CHD9: variants seen among roughly 807,000 people sequenced by gnomAD.
CHD9 encodes ATP-dependent chromatin remodeler CHD9.
A neutral mutation model predicts 316.1 loss-of-function variants in CHD9; 77 were observed. The observed-to-expected ratio is 0.24, with a 90% CI of 0.20 to 0.29. The LOEUF is 0.29. CHD9 is among the 10% of genes least tolerant of loss of function. CHD9 has a pLI of 1.00. For missense variants in CHD9, 2,763 were observed against 3,438.1 expected, an observed-to-expected ratio of 0.80 and a Z score of 4.91; for synonymous variants, 1,129 against 1,158.3, an observed-to-expected ratio of 0.97 and a Z score of 0.51.
chr16:53,230,288 A>G (rs1204359087), intron 8 of CHD9, among the ~76,000 whole-genome samples: 1 of 152,200 alleles, frequency 6.6e-6, no homozygotes, highest in African/African-American at 2.4e-5. Flanking sequence ...TCTTCACTAC[A>G]TAATTACTAT....
chr16:53,238,313 A>G, intron 11 of CHD9, 30 bp from the exon 12 acceptor site: 2 of 1,579,926 alleles, frequency 1.3e-6, no homozygotes, highest in South Asian at 2.3e-5. Flanking sequence ...AACCCAATGT[A>G]TGCATGGATA....
chr16:53,088,924 C>T (rs113559895), intron 1 of CHD9, among the ~76,000 whole-genome samples: 7,285 of 151,288 alleles, frequency 0.048, 588 homozygotes, highest in African/African-American at 0.17. Flanking sequence ...CCAGCCTGGC[C>T]AATATGGTGA....
chr16:53,135,075 T>G (rs1230791559), intron 1 of CHD9, among the ~76,000 whole-genome samples: 1 of 152,084 alleles, frequency 6.6e-6, no homozygotes, highest in Non-Finnish European at 1.5e-5. Context: ...GGAAACAGAA[T>G]AAGAAGACAG....
At chr16:53,184,103 C>T (rs1567439545) in intron 2 of CHD9, among the ~76,000 whole-genome samples, 2 of 152,164 alleles carry the variant, frequency 1.3e-5, no homozygotes, top group South Asian at 4.2e-4. Flanking sequence ...CGGCACCACG[C>T]CCGGCTAATT....
Position 53,177,223 on chromosome 16 carries a change from T to C in CHD9, c.1452+19682T>C, listed in dbSNP as rs559680101. Among the ~76,000 whole-genome samples, 4 of 152,318 alleles carry C rather than the reference T, an allele frequency of 2.6e-5. No homozygotes were observed. The East Asian group carries it at 7.7e-4, about 29-fold the overall frequency. ...TGCCTGCTTTGGCCTCCTAAAGTGC[T>C]AGGATTACAGGTGTGAGCCACTGCG... On this transcript the variant is annotated intron_variant, in intron 2 of 38. Transcript: ENST00000447540.
chr16:53,181,335 T>G (rs2043502606), intron 2 of CHD9, among the ~76,000 whole-genome samples: 1 of 152,092 alleles, frequency 6.6e-6, no homozygotes, highest in African/African-American at 2.4e-5. Context: ...TTTGTTTCTT[T>G]TTTTGAATTT....
At chr16:53,074,173 C>T (rs1017474007) in intron 1 of CHD9, among the ~76,000 whole-genome samples, 17 of 152,114 alleles carry the variant, frequency 1.1e-4, no homozygotes, top group African/African-American at 4.1e-4. Context: ...GGCATTTTGC[C>T]CTTGCCCTAG....
At chr16:53,260,131 A>G (rs1447944997) in intron 19 of CHD9, among the ~76,000 whole-genome samples, 1 of 152,186 alleles carries the variant, frequency 6.6e-6, no homozygotes, top group Non-Finnish European at 1.5e-5. Flanking sequence ...TTATACAGCT[A>G]ATGATAGCTG....
chr16:53,102,426 T>C (rs1280819590), intron 1 of CHD9, among the ~76,000 whole-genome samples: 6 of 152,090 alleles, frequency 3.9e-5, no homozygotes, highest in Non-Finnish European at 8.8e-5. Context: ...GAAACTAAAG[T>C]GCAGAGCTGT....
chr16:53,304,066 A>G lies in CHD9; in HGVS notation c.6060A>G (p.Gln2020=). 1 of 1,614,062 alleles carries G rather than the reference A, an allele frequency of 6.2e-7. No homozygotes were observed. Among genetic ancestry groups the G allele is most frequent in the Non-Finnish European group, 8.5e-7 (1 of 1,179,892 alleles). Residue 2020 remains glutamine (Q), a synonymous_variant, in exon 31 of 39, where the codon CAA becomes CAG. Transcript: ENST00000447540. ...CTACCCCACTTCTACAGCAATATCAAGTAGCACTTTCTGCTTCTCCTCTTA... is the reference window on the plus strand; with the variant it reads ...CTACCCCACTTCTACAGCAATATCAGGTAGCACTTTCTGCTTCTCCTCTTA... ...RTSTPLLQQY[Q]VALSASPLTS...
intron 31 of CHD9, among the ~76,000 whole-genome samples, chr16:53,305,222 C>T (rs1438521029): frequency 6.6e-6 from 1 of 151,558 alleles, no homozygotes; most frequent in Non-Finnish European, 1.5e-5. Context: ...CCACCATGTC[C>T]AGCTAATTTT....
rs150927443 is a variant in CHD9, at chr16:53,320,500, C to T, written c.7714-1026C>T. Among the ~76,000 whole-genome samples the T allele has an allele frequency of 4.1e-3, 627 of 152,056 alleles. 4 individuals are homozygous for T. The highest frequency in any genetic ancestry group is 0.014 in the African/African-American group (601 of 41,462). ...TCGTGCCACTACACTCCAGCCTGAG[C>T]GACAGAGTGAGACTCCATCTCAAAA... On this transcript the variant is annotated intron_variant, in intron 37 of 38. Coordinates refer to ENST00000447540, the MANE Select transcript of CHD9 (RefSeq NM_001308319.2).
intron 2 of CHD9, among the ~76,000 whole-genome samples, chr16:53,203,681 T>G (rs2045636001): frequency 6.6e-6 from 1 of 152,104 alleles, no homozygotes; most frequent in Non-Finnish European, 1.5e-5. Flanking sequence ...TGTTTTATTT[T>G]TACTAAGGAA....
chr16:53,076,511 G>T (rs759646769), intron 1 of CHD9, among the ~76,000 whole-genome samples: 1 of 151,994 alleles, frequency 6.6e-6, no homozygotes, highest in African/African-American at 2.4e-5. Flanking sequence ...GGAGGCAGAG[G>T]TTGCAATGAG....
At chr16:53,286,718 G>T (rs981915267) in intron 26 of CHD9, among the ~76,000 whole-genome samples, 6 of 151,900 alleles carry the variant, frequency 3.9e-5, no homozygotes, top group Admixed American at 2.6e-4. Context: ...GGGGGATTTT[G>T]GTATTCAGGA....
chr16:53,088,576 C>T (rs2035675381), intron 1 of CHD9, among the ~76,000 whole-genome samples: 1 of 151,958 alleles, frequency 6.6e-6, no homozygotes, highest in Non-Finnish European at 1.5e-5. Flanking sequence ...CCGCGCCCGG[C>T]CAACATGCAC....
intron 2 of CHD9, chr16:53,208,835 A>C: frequency 2.0e-6 from 1 of 502,398 alleles, no homozygotes; most frequent in Non-Finnish European, 2.6e-6. Context: ...ATTTTAATGT[A>C]AAACTGTAAA....
At chr16:53,087,467 C>T (rs568444424) in intron 1 of CHD9, among the ~76,000 whole-genome samples, 5 of 152,314 alleles carry the variant, frequency 3.3e-5, no homozygotes, top group Admixed American at 3.3e-4. Flanking sequence ...AGGATGCAAG[C>T]TCCAAAAGCC....
intron 1 of CHD9, among the ~76,000 whole-genome samples, chr16:53,153,718 TAGAG>T (rs1041933517): frequency 2.0e-5 from 3 of 151,956 alleles, no homozygotes; most frequent in Admixed American, 1.3e-4. Flanking sequence ...TTATTTTTAG[TAGAG>T]AGAAGGGTCT....
Sources: gnomAD v4.1 joint callset for allele counts (sites outside exome capture counted in the v4.1 genomes callset) on GRCh38, gnomAD v4.1.1 for gene constraint, MANE v1.5 for transcripts, NCBI Gene and HGNC (gene_info 2026-07-23, HGNC 2026-07-21) for gene names.